Variants in GNAO1 observed in about 807,000 individuals in gnomAD.
The protein encoded by GNAO1 is guanine nucleotide-binding protein G(o) subunit alpha.
For missense variants in GNAO1, 166 were observed against 478.7 expected (o/e 0.35, Z 6.10); for synonymous variants, 164 against 180.7 (o/e 0.91, Z 0.74).
chr16:56,288,665 C>T (rs1445182153), intron 3 of GNAO1, among the ~76,000 whole-genome samples: 7 of 152,292 alleles, frequency 4.6e-5, no homozygotes, highest in African/African-American at 7.2e-5. Context: ...CTTCCCTTTG[C>T]GTTACTTTCT....
At chr16:56,345,265 T>C in intron 6 of GNAO1, 4 of 985,420 alleles carry the variant, frequency 4.1e-6, no homozygotes, top group Non-Finnish European at 4.8e-6. Flanking sequence ...CGTGTGCTTG[T>C]ACAGCAGGCT....
rs2037629505 is a variant in GNAO1 at position 56,326,094 on chromosome 16, G to A, written c.304-2537G>A. ...ACTGGAAGCTGGCCTGGGCTCCACAGGACTCAGGGTCCAGCACACTCCTGT... is the reference window on the plus strand; with the variant it reads ...ACTGGAAGCTGGCCTGGGCTCCACAAGACTCAGGGTCCAGCACACTCCTGT... On this transcript the variant is annotated intron_variant, in intron 3 of 8. Transcript: ENST00000262493. This position sits in a 1 kb window ranked among gnomAD's most constrained non-coding sequence, Gnocchi z 4.8. Among the ~76,000 whole-genome samples, 1 of 152,206 alleles carries A rather than the reference G, an allele frequency of 6.6e-6. No homozygotes were observed. The highest frequency in any genetic ancestry group is 1.5e-5 in the Non-Finnish European group (1 of 68,030).
Position 56,209,071 on chromosome 16 carries a change from A to T in GNAO1, c.161+16455A>T, listed in dbSNP as rs562786306. 7.9e-5 allele frequency among the ~76,000 whole-genome samples: 12 copies of T among 152,154 alleles called. No homozygotes were observed. In the East Asian group the frequency reaches 2.3e-3, roughly 29 times the overall value. On this transcript the variant is annotated intron_variant, in intron 2 of 8. Coordinates refer to ENST00000262493, the MANE Select transcript of GNAO1 (RefSeq NM_020988.3). The stretch of plus-strand genomic sequence containing the variant: ...TAAGAAGAAGTCTTTCCTTATCTTG[A>T]AGCTCAAAGGCTACCCTCTATTTCC...
In GNAO1 at chr16:56,279,935, GC is replaced by G. The variant is rs1195264036; in HGVS notation, c.303+3865del. Among the ~76,000 whole-genome samples, 32 of 152,204 alleles carry G rather than the reference GC, an allele frequency of 2.1e-4. 1 individual carries two copies. Among genetic ancestry groups the G allele is most frequent in the Non-Finnish European group, 1.2e-4 (8 of 68,036 alleles). On this transcript the variant is annotated intron_variant, in intron 3 of 8. Coordinates refer to ENST00000262493, the MANE Select transcript of GNAO1 (RefSeq NM_020988.3). Reference sequence around the variant, plus strand: ...TTTGGGTCACCTCCTCACTCCAGCAGCCAACACAGTGCTCAGCACTTAGTAG... The same window carrying G: ...TTTGGGTCACCTCCTCACTCCAGCAGCAACACAGTGCTCAGCACTTAGTAG...
chr16:56,303,365 G>A (rs146314634), intron 3 of GNAO1, among the ~76,000 whole-genome samples: 88 of 152,320 alleles, frequency 5.8e-4, no homozygotes, highest in Middle Eastern at 3.4e-3. Flanking sequence ...CCCATGTGGA[G>A]GCTGGCGGGC....
At chr16:56,205,206 G>A (rs2036316158) in intron 2 of GNAO1, among the ~76,000 whole-genome samples, 1 of 152,180 alleles carries the variant, frequency 6.6e-6, no homozygotes, top group Non-Finnish European at 1.5e-5. Flanking sequence ...ATGAGACCTG[G>A]ATGGTTTGAC....
intron 2 of GNAO1, among the ~76,000 whole-genome samples, chr16:56,197,442 C>G (rs1017403271): frequency 6.6e-6 from 1 of 152,214 alleles, no homozygotes; most frequent in South Asian, 2.1e-4. Flanking sequence ...TCTCTCCCTC[C>G]TTACTGTGCA....
At chr16:56,344,001 C>A (rs755501150) in intron 6 of GNAO1, 18 of 1,597,740 alleles carry the variant, frequency 1.1e-5, no homozygotes, top group Admixed American at 1.7e-5. Flanking sequence ...GCCGCCCCCC[C>A]TCCCCTGGAA....
chr16:56,269,290 T>C (rs1447852822), intron 2 of GNAO1, among the ~76,000 whole-genome samples: 7 of 152,020 alleles, frequency 4.6e-5, no homozygotes, highest in Non-Finnish European at 8.8e-5. Flanking sequence ...CTTGCTGCTG[T>C]TGTTGCTGCT....
At chr16:56,332,091 T>A (rs1339845992) in intron 4 of GNAO1, among the ~76,000 whole-genome samples, 1 of 152,102 alleles carries the variant, frequency 6.6e-6, no homozygotes, top group Non-Finnish European at 1.5e-5. Flanking sequence ...CAGTGCCATC[T>A]GGTGACGACA....
chr16:56,278,757 A>C (rs2037087632), intron 3 of GNAO1, among the ~76,000 whole-genome samples: 1 of 152,114 alleles, frequency 6.6e-6, no homozygotes, highest in South Asian at 2.1e-4. Flanking sequence ...GATAATTCAG[A>C]GTGGGAGGAC....
intron 2 of GNAO1, among the ~76,000 whole-genome samples, chr16:56,206,324 TA>T (rs562270212): frequency 0.015 from 1,684 of 113,204 alleles, 20 homozygotes; most frequent in South Asian, 0.086. Flanking sequence ...CATCTCAATT[TA>T]AAAAAAAAAA....
At chr16:56,229,452 C>T (rs1261157060) in intron 2 of GNAO1, among the ~76,000 whole-genome samples, 4 of 152,186 alleles carry the variant, frequency 2.6e-5, no homozygotes, top group African/African-American at 9.7e-5. Context: ...AAGTGATCCA[C>T]CCTCCTTGGC....
chr16:56,292,402 C>A (rs1269125942), intron 3 of GNAO1, among the ~76,000 whole-genome samples: 1 of 152,134 alleles, frequency 6.6e-6, no homozygotes, highest in Admixed American at 6.5e-5. Flanking sequence ...AGCTTTATCA[C>A]CCAGGTTGGA....
intron 2 of GNAO1, among the ~76,000 whole-genome samples, chr16:56,274,290 G>A (rs1167356460): frequency 6.6e-6 from 1 of 152,150 alleles, no homozygotes; most frequent in Non-Finnish European, 1.5e-5. Flanking sequence ...TTTTCTAGTT[G>A]TTTACAGTGG....
intron 2 of GNAO1, among the ~76,000 whole-genome samples, chr16:56,243,519 A>T (rs1447855194): frequency 6.6e-6 from 1 of 152,244 alleles, no homozygotes; most frequent in Admixed American, 6.5e-5. Context: ...ATCTGAATAC[A>T]CACGCCTCCA....
At chr16:56,249,245 G>T (rs544365605) in intron 2 of GNAO1, among the ~76,000 whole-genome samples, 5 of 152,280 alleles carry the variant, frequency 3.3e-5, no homozygotes, top group Middle Eastern at 3.4e-3. Context: ...ACATGGAATG[G>T]GGGGGAACAA....
At chr16:56,216,355 A>C (rs2036436912) in intron 2 of GNAO1, among the ~76,000 whole-genome samples, 1 of 152,182 alleles carries the variant, frequency 6.6e-6, no homozygotes, top group Non-Finnish European at 1.5e-5. Flanking sequence ...TGGGAGGGCC[A>C]CTCAGCCGGG....
rs1290706559 is a variant in GNAO1, at chr16:56,326,958, C to T, written c.304-1673C>T. On this transcript the variant is annotated intron_variant, in intron 3 of 8. Transcript: ENST00000262493. This position sits in a 1 kb window ranked among gnomAD's most constrained non-coding sequence, Gnocchi z 4.8. ...GTGGGTCTGATCATAGAGGCTGGGC[C>T]TGGAGTCCGAAGGCACCTCATCTTG... Among the ~76,000 whole-genome samples, 1 of 152,178 alleles carries T rather than the reference C, an allele frequency of 6.6e-6. No homozygotes were observed. The highest frequency in any genetic ancestry group is 1.5e-5 in the Non-Finnish European group (1 of 68,026).
Sources: allele counts gnomAD v4.1 joint callset (sites outside exome capture counted in the v4.1 genomes callset), GRCh38; gene constraint gnomAD v4.1.1; non-coding constraint Gnocchi (gnomAD v3.1); transcripts MANE v1.5; gene names NCBI Gene and HGNC (gene_info 2026-07-23, HGNC 2026-07-21).